Variants in OTOF observed in about 807,000 individuals in gnomAD.
OTOF encodes the protein fer-1-like family member 2.
In OTOF, 218 loss-of-function variants were observed where a neutral mutation model predicts 236.8. The ratio of observed to expected loss-of-function variants is 0.92; its 90% CI spans 0.82 to 1.03. The LOEUF is 1.03. Ranked by LOEUF, OTOF falls within the 50% of genes least tolerant of loss-of-function variation. The pLI, the probability that OTOF is intolerant of heterozygous loss-of-function variation, is 0.00. For synonymous variants in OTOF, 1,041 were observed against 1,072.5 expected (o/e 0.97, Z 0.57); for missense variants, 2,590 against 2,694.4 (o/e 0.96, Z 0.86).
intron 2 of OTOF, among the ~76,000 whole-genome samples, chr2:26,533,206 G>A (rs1053501541): frequency 5.9e-5 from 9 of 152,164 alleles, no homozygotes; most frequent in Non-Finnish European, 1.2e-4. Context: ...CTGATGTTCT[G>A]AGGAGGAACA....
intron 8 of OTOF, among the ~76,000 whole-genome samples, chr2:26,499,516 A>C (rs930918719): frequency 2.0e-5 from 3 of 151,624 alleles, no homozygotes; most frequent in South Asian, 2.1e-4. Context: ...TTTATTTTTA[A>C]TTTTCTTTTG....
intron 3 of OTOF, 72 bp downstream of exon 3, chr2:26,527,759 AG>A: frequency 9.2e-7 from 1 of 1,086,244 alleles, no homozygotes; most frequent in African/African-American, 1.5e-5. Flanking sequence ...CCCCAAACAG[AG>A]GGTAGCCCAA....
At position 26,461,173 on chromosome 2, in the gene OTOF, C is replaced by G. The variant is rs558125015; in HGVS notation, c.5534-143G>C. 3.0e-5 allele frequency: 23 copies of G among 767,976 alleles called. No individual in the cohort carries two copies. The African/African-American group carries it at 3.2e-4, about 11-fold the overall frequency. 47.6% of individuals were successfully genotyped at this position (767,976 alleles called of 1,614,324 possible). A position where few individuals can be genotyped will look rare whatever the true frequency, so the allele number is the denominator to read the frequency against. On this transcript the variant is annotated intron_variant, in intron 43 of 46. Transcript: ENST00000272371. The surrounding 1 kb of genome is among the most constrained non-coding windows in gnomAD (Gnocchi z 6.2). ...TCTCATCCTCCTGCCTCACTCCCAG[C>G]AACTGGCCTCAATGCAGGCATCCTC...
chr2:26,499,121 C>T (rs965659402), intron 8 of OTOF, among the ~76,000 whole-genome samples: 4 of 151,968 alleles, frequency 2.6e-5, no homozygotes, highest in South Asian at 2.1e-4. Context: ...ACTCAAGACC[C>T]CTTGATCCAC....
rs111033513 is a variant in OTOF at position 26,473,469 on chromosome 2, C to T, written c.3507G>A (p.Ser1169=). ...TCTTCTTATAATTGTGGATCAGGGA[C>T]GACTGCACCCCCTTCCCTGCACACT... The part of the protein sequence containing the change: ...DIECAGKGVQ[S]SLIHNYKKNP... Residue 1169 remains serine, a synonymous_variant, in exon 28 of 47, where the codon TCG becomes TCA. Transcript: ENST00000272371. The surrounding 1 kb of genome is among the most constrained non-coding windows in gnomAD (Gnocchi z 7.2). 44 of 1,613,278 alleles carry T rather than the reference C, an allele frequency of 2.7e-5. No individual in the cohort carries two copies. The highest frequency in any genetic ancestry group is 1.6e-4 in the Middle Eastern group (1 of 6,062).
chr2:26,545,841 C>T (rs995586139), intron 1 of OTOF, among the ~76,000 whole-genome samples: 7 of 152,170 alleles, frequency 4.6e-5, no homozygotes, highest in African/African-American at 1.7e-4. Flanking sequence ...TTTCTGGACA[C>T]TATTCTGCTC....
intron 9 of OTOF, among the ~76,000 whole-genome samples, chr2:26,494,349 G>A (rs77322714): frequency 6.1e-4 from 93 of 152,360 alleles, no homozygotes; most frequent in African/African-American, 1.8e-3. Context: ...AGAGAAGCCC[G>A]CAGAAGTTTA....
Position 26,462,244 on chromosome 2 carries a change from G to T in OTOF, c.5193-63C>A. ...GTGGGGGTTATGCCAGGGTGCCAGGGCTGGGATGGGGCAGGCGGAGAGAAG... is the reference window on the plus strand; with the variant it reads ...GTGGGGGTTATGCCAGGGTGCCAGGTCTGGGATGGGGCAGGCGGAGAGAAG... On this transcript the variant is annotated intron_variant, in intron 41 of 46. Transcript: ENST00000272371. The surrounding 1 kb of genome is among the most constrained non-coding windows in gnomAD (Gnocchi z 4.7). 1.4e-6 allele frequency: 2 copies of T among 1,405,306 alleles called. No homozygotes were observed. Among genetic ancestry groups the T allele is most frequent in the Non-Finnish European group, 2.0e-6 (2 of 990,596 alleles). 87.1% of individuals were successfully genotyped at this position (1,405,306 alleles called of 1,614,324 possible).
intron 10 of OTOF, 76 bp downstream of exon 10, chr2:26,489,602 G>A: frequency 2.4e-6 from 3 of 1,273,926 alleles, no homozygotes; most frequent in Non-Finnish European, 3.4e-6. Flanking sequence ...CTAGACAGAG[G>A]GGGCCCCTCT....
At chr2:26,472,029 G>A (rs548884397) in intron 30 of OTOF, among the ~76,000 whole-genome samples, 91 of 146,994 alleles carry the variant, frequency 6.2e-4, no homozygotes, top group Non-Finnish European at 2.0e-4. Context: ...CACACCATAC[G>A]CATGCACACA....
chr2:26,552,282 C>A (rs1667481196), intron 1 of OTOF, among the ~76,000 whole-genome samples: 1 of 151,878 alleles, frequency 6.6e-6, no homozygotes, highest in African/African-American at 2.4e-5. Context: ...CCTAGCTACT[C>A]GGGAGGCTGA....
chr2:26,516,824 G>A (rs1441632218), intron 4 of OTOF, among the ~76,000 whole-genome samples: 1 of 152,140 alleles, frequency 6.6e-6, no homozygotes, highest in Non-Finnish European at 1.5e-5. Flanking sequence ...CTGGCTCCAG[G>A]TCCCGCTGCT....
At chr2:26,499,041 G>A (rs1558500739) in intron 8 of OTOF, among the ~76,000 whole-genome samples, 1 of 152,148 alleles carries the variant, frequency 6.6e-6, no homozygotes, top group Non-Finnish European at 1.5e-5. Flanking sequence ...TGAAATGGAG[G>A]TGAAAACTGG....
intron 4 of OTOF, among the ~76,000 whole-genome samples, chr2:26,518,349 G>A (rs568477001): frequency 6.6e-6 from 1 of 152,360 alleles, no homozygotes; most frequent in East Asian, 1.9e-4. Flanking sequence ...GTGATATGTA[G>A]CTTGCCTAAG....
chr2:26,553,436 C>G (rs527838197), intron 1 of OTOF, among the ~76,000 whole-genome samples: 1 of 152,272 alleles, frequency 6.6e-6, no homozygotes, highest in East Asian at 1.9e-4. Flanking sequence ...TGCTCCTTTT[C>G]CCTCGTCTCT....
rs1664944216 is a variant in OTOF, at chr2:26,470,899, G to C, written c.3895-178C>G. On this transcript the variant is annotated intron_variant, in intron 31 of 46. Transcript: ENST00000272371. This position sits in a 1 kb window ranked among gnomAD's most constrained non-coding sequence, Gnocchi z 4.3. ...TATGGAGAAGGTGCCACAGGCCACAGAGTGTTGTGACCTGCCAGTGCGATC... is the reference window on the plus strand; with the variant it reads ...TATGGAGAAGGTGCCACAGGCCACACAGTGTTGTGACCTGCCAGTGCGATC... Among the ~76,000 whole-genome samples, 1 of 152,212 alleles carries C rather than the reference G, an allele frequency of 6.6e-6. No individual in the cohort carries two copies. The highest frequency in any genetic ancestry group is 1.9e-4 in the East Asian group (1 of 5,194).
chr2:26,495,177 C>G (rs1351670423), intron 8 of OTOF, 104 bp from the exon 9 acceptor site: 2 of 1,226,074 alleles, frequency 1.6e-6, no homozygotes. Context: ...AGGGAGGGCC[C>G]GGGAGCCAGC....
intron 18 of OTOF, among the ~76,000 whole-genome samples, chr2:26,478,640 C>T (rs185511302): frequency 3.3e-5 from 5 of 152,260 alleles, no homozygotes; most frequent in Admixed American, 1.3e-4. Flanking sequence ...AGACACTGCT[C>T]GCTTCTCCCT....
chr2:26,519,580 C>T (rs1331621235), intron 3 of OTOF, among the ~76,000 whole-genome samples: 1 of 152,174 alleles, frequency 6.6e-6, no homozygotes, highest in African/African-American at 2.4e-5. Context: ...CTGTAAGTTC[C>T]TGGATGGCAG....
Sources: allele counts gnomAD v4.1 joint callset (sites outside exome capture counted in the v4.1 genomes callset), GRCh38; gene constraint gnomAD v4.1.1; non-coding constraint Gnocchi (gnomAD v3.1); transcripts MANE v1.5; gene names NCBI Gene and HGNC (gene_info 2026-07-23, HGNC 2026-07-21).